The following NCOA2 variants were observed in gnomAD, a reference collection of about 807,000 sequenced individuals.
NCOA2 encodes the protein nuclear receptor coactivator 2.
In NCOA2, 21 loss-of-function variants were observed where a neutral mutation model predicts 145.1. That is an observed-to-expected ratio of 0.14 (90% CI 0.10 to 0.21). The LOEUF (loss-of-function observed/expected upper bound fraction) is 0.21, where lower values mean the gene tolerates loss of function less well. NCOA2 is among the 10% of genes least tolerant of loss of function. The pLI is 1.00. For synonymous variants in NCOA2, 619 were observed against 637.5 expected (o/e 0.97, Z 0.44); for missense variants, 1,472 against 1,837.6 (o/e 0.80, Z 3.64).
chr8:70,329,309 A>G (rs1472951753), intron 1 of NCOA2, among the ~76,000 whole-genome samples: 1 of 151,766 alleles, frequency 6.6e-6, no homozygotes, highest in East Asian at 1.9e-4. Flanking sequence ...TAGAGATGGG[A>G]GTTCGCCATG....
At chr8:70,450,573 C>CTTTTTTTTTTTTTTTTTTTTT in the NCOA2 span, among the ~76,000 whole-genome samples, 122 of 94,618 alleles carry the variant, frequency 1.3e-3, 5 homozygotes, top group East Asian at 3.2e-3. Context: ...TCTTTTTATT[C>CTTTTTTTTTTTTTTTTTTTTT]TTTTTTTTTT....
intron 2 of NCOA2, among the ~76,000 whole-genome samples, chr8:70,239,424 G>A (rs1821932131): frequency 6.6e-6 from 1 of 152,148 alleles, no homozygotes; most frequent in Admixed American, 6.6e-5. Flanking sequence ...AAGACCTACA[G>A]TCTTTGTTGA....
At chr8:70,128,629 G>A in intron 17 of NCOA2, 73 bp downstream of exon 17, 1 of 1,595,220 alleles carries the variant, frequency 6.3e-7, no homozygotes, top group South Asian at 1.1e-5. Context: ...GGACAGCTGT[G>A]CTGTCTCACA....
intron 1 of NCOA2, among the ~76,000 whole-genome samples, chr8:70,391,321 C>T (rs530831071): frequency 7.2e-4 from 109 of 152,216 alleles, no homozygotes; most frequent in Admixed American, 2.6e-3. Context: ...AATTTCTATC[C>T]CCCTCCTTAA....
At chr8:70,142,165 T>A (rs1023375088) in intron 13 of NCOA2, among the ~76,000 whole-genome samples, 1 of 152,256 alleles carries the variant, frequency 6.6e-6, no homozygotes, top group Non-Finnish European at 1.5e-5. Context: ...AAACATTTGC[T>A]AAGACTTGAT....
chr8:70,403,295 GGGCCGCGCCCGCACCCCC>G (rs954647663), intron 1 of NCOA2, among the ~76,000 whole-genome samples: 3 of 151,242 alleles, frequency 2.0e-5, no homozygotes, highest in African/African-American at 4.8e-5. Flanking sequence ...CTCGGGGCGG[GGGCCGCGCCCGCACCCCC>G]GGCCGCGCCT....
At chr8:70,330,818 C>T (rs1807033060) in intron 1 of NCOA2, among the ~76,000 whole-genome samples, 1 of 152,054 alleles carries the variant, frequency 6.6e-6, no homozygotes, top group Non-Finnish European at 1.5e-5. Flanking sequence ...GTGCAATACA[C>T]TTAGAAAAAA....
intron 4 of NCOA2, among the ~76,000 whole-genome samples, chr8:70,179,072 T>C (rs77826131): frequency 0.031 from 4,793 of 152,296 alleles, 252 homozygotes; most frequent in African/African-American, 0.11. Flanking sequence ...GCTATTTATA[T>C]ATATTAAGAG....
At chr8:70,174,258 T>C (rs1814585270) in intron 5 of NCOA2, among the ~76,000 whole-genome samples, 1 of 152,226 alleles carries the variant, frequency 6.6e-6, no homozygotes, top group African/African-American at 2.4e-5. Flanking sequence ...ACCAACCTTA[T>C]GCTTCTCTTA....
At chr8:70,201,423 C>G (rs928516259) in intron 4 of NCOA2, among the ~76,000 whole-genome samples, 5 of 152,180 alleles carry the variant, frequency 3.3e-5, no homozygotes, top group Non-Finnish European at 7.3e-5. Flanking sequence ...CTCATGACAA[C>G]ACCTAAGCTG....
chr8:70,423,275 C>G, the NCOA2 span, among the ~76,000 whole-genome samples: 3 of 152,148 alleles, frequency 2.0e-5, no homozygotes, highest in Non-Finnish European at 4.4e-5. Flanking sequence ...CCTCTGCCCC[C>G]CAGGTTCAAG....
At chr8:70,289,306 T>C (rs532704318) in intron 2 of NCOA2, among the ~76,000 whole-genome samples, 80 of 152,354 alleles carry the variant, frequency 5.3e-4, no homozygotes, top group African/African-American at 1.8e-3. Flanking sequence ...CTCTATATTC[T>C]AGAATAAGCT....
chr8:70,261,660 AT>A (rs1052449608), intron 2 of NCOA2, among the ~76,000 whole-genome samples: 1 of 152,142 alleles, frequency 6.6e-6, no homozygotes. Context: ...CAACTAAAAC[AT>A]TTACAAAACG....
chr8:70,156,260 T>C lies in NCOA2; in HGVS notation c.2105A>G (p.Asp702Gly). The change falls in exon 11 of 23, where the codon GAC (aspartate) becomes GGC (glycine). Residue 702 changes from aspartate (D) to glycine (G), a missense_variant. Physicochemically the swap from Asp to Gly is moderately conservative, Grantham distance 94. Around this residue, in one of 4 missense-constraint regions of NCOA2, gnomAD observed 953 missense variants for 1,062.1 expected, o/e 0.90. Coordinates refer to ENST00000452400, the MANE Select transcript of NCOA2 (RefSeq NM_006540.4). ...RLLQDSSSPV[D>G]LAKLTAEATG... ...GGCTTCTGCTGTTAACTTGGCCAAG[T>C]CCACAGGGGAACTGCTGTCCTGCAA... is the stretch of plus-strand genomic sequence containing the variant. The C allele has an allele frequency of 6.2e-7, 1 of 1,613,926 alleles. No homozygotes were observed. Among genetic ancestry groups the C allele is most frequent in the Non-Finnish European group, 8.5e-7 (1 of 1,179,860 alleles).
intron 2 of NCOA2, among the ~76,000 whole-genome samples, chr8:70,218,015 G>A (rs1819791689): frequency 6.6e-6 from 1 of 151,606 alleles, no homozygotes. Context: ...AGAAGACAGA[G>A]AACTTAAGGA....
At position 70,273,367 on chromosome 8, in the gene NCOA2, C is replaced by A. The variant is rs964637225; in HGVS notation, c.-20+23377G>T. 32 of 667,338 alleles carry A rather than the reference C, an allele frequency of 4.8e-5. No homozygotes were observed. In the African/African-American group the frequency reaches 4.8e-4, roughly 10 times the overall value. The allele number at this position is 667,338 out of a possible 1,614,324, so 41.3% of individuals were successfully genotyped here. A position where few individuals can be genotyped will look rare whatever the true frequency, so the allele number is the denominator to read the frequency against. On this transcript the variant is annotated intron_variant, in intron 2 of 22. Coordinates refer to ENST00000452400, the MANE Select transcript of NCOA2 (RefSeq NM_006540.4). ...CCCCCGCGCAGCCCCTTATCCGCTG[C>A]GACAAGATGAAAGAAACAATCATGA...
chr8:70,324,258 A>T (rs969357663), intron 1 of NCOA2, among the ~76,000 whole-genome samples: 2 of 152,168 alleles, frequency 1.3e-5, no homozygotes, highest in African/African-American at 2.4e-5. Flanking sequence ...AATTTCATTC[A>T]TTCATTCTCT....
intron 2 of NCOA2, among the ~76,000 whole-genome samples, chr8:70,293,148 A>G (rs1270159320): frequency 6.6e-6 from 1 of 152,194 alleles, no homozygotes; most frequent in Non-Finnish European, 1.5e-5. Flanking sequence ...ATTTTGCCTA[A>G]AGCAAAAGAT....
intron 1 of NCOA2, among the ~76,000 whole-genome samples, chr8:70,328,897 T>C (rs1390646118): frequency 6.6e-6 from 1 of 152,092 alleles, no homozygotes; most frequent in Non-Finnish European, 1.5e-5. Flanking sequence ...TGAAAAACTG[T>C]TTGGTAGTAC....
Sources: allele counts gnomAD v4.1 joint callset (sites outside exome capture counted in the v4.1 genomes callset), GRCh38; gene constraint gnomAD v4.1.1; regional missense constraint gnomAD v4.1.1; transcripts MANE v1.5; gene names NCBI Gene and HGNC (gene_info 2026-07-23, HGNC 2026-07-21).